Variants in DOCK1 observed in about 807,000 individuals in gnomAD.
DOCK1 encodes dedicator of cytokinesis protein 1.
Under a neutral mutation model 262.7 loss-of-function variants are expected in DOCK1, and 138 were observed. That is an observed-to-expected ratio of 0.53 (90% confidence interval 0.46 to 0.61). The LOEUF is 0.61. DOCK1 is among the 20% of genes least tolerant of loss of function. The pLI is 0.00. For missense variants in DOCK1, 1,908 were observed against 2,370.7 expected, an observed-to-expected ratio of 0.80 and a Z score of 4.05; for synonymous variants, 866 against 867.4, an observed-to-expected ratio of 1.00 and a Z score of 0.03.
intron 44 of DOCK1, among the ~76,000 whole-genome samples, chr10:127,417,029 T>A (rs930196657): frequency 2.2e-4 from 34 of 152,216 alleles, no homozygotes; most frequent in African/African-American, 7.9e-4. Flanking sequence ...GGAGTGCCAG[T>A]CTAGGGTTGC....
chr10:127,179,930 C>G (rs774658099), intron 27 of DOCK1, among the ~76,000 whole-genome samples: 2 of 152,176 alleles, frequency 1.3e-5, no homozygotes, highest in Non-Finnish European at 2.9e-5. Context: ...CATATCCTTA[C>G]AAGGCAGCCA....
intron 29 of DOCK1, among the ~76,000 whole-genome samples, chr10:127,263,909 T>C (rs550788917): frequency 3.1e-4 from 47 of 152,178 alleles, no homozygotes; most frequent in Non-Finnish European, 6.5e-4. Flanking sequence ...TAATAACCCC[T>C]ACTAGAATTT....
At chr10:127,434,854 A>G (rs1205389692) in intron 48 of DOCK1, among the ~76,000 whole-genome samples, 1 of 151,932 alleles carries the variant, frequency 6.6e-6, no homozygotes, top group Non-Finnish European at 1.5e-5. Flanking sequence ...GGGTTTCACC[A>G]TATTAGCCAG....
At chr10:126,939,382 G>T (rs1289254620) in intron 1 of DOCK1, among the ~76,000 whole-genome samples, 1 of 152,104 alleles carries the variant, frequency 6.6e-6, no homozygotes, top group Non-Finnish European at 1.5e-5. Flanking sequence ...CGCTAGCTTT[G>T]TTCTTTTTCA....
chr10:126,963,657 T>TCCTTCCTC (rs2037448172), intron 1 of DOCK1, among the ~76,000 whole-genome samples: 11 of 116,430 alleles, frequency 9.4e-5, no homozygotes, highest in African/African-American at 3.3e-4. Flanking sequence ...CTTCCTTCCT[T>TCCTTCCTC]CCTTCCTTCC....
At chr10:127,327,226 C>G (rs978158844) in intron 29 of DOCK1, among the ~76,000 whole-genome samples, 10 of 152,214 alleles carry the variant, frequency 6.6e-5, no homozygotes, top group Non-Finnish European at 1.2e-4. Context: ...CTTCTTCTCC[C>G]TAAATATGAA....
At position 126,995,563 on chromosome 10, in the gene DOCK1, A is replaced by AGGCTGCAGTGAGCCGAGAT. The variant is rs1347955208; in HGVS notation, c.474-1181_474-1163dup. Among the ~76,000 whole-genome samples, 3 of 152,184 alleles carry AGGCTGCAGTGAGCCGAGAT rather than the reference A, an allele frequency of 2.0e-5. No individual in the cohort carries two copies. The highest frequency in any genetic ancestry group is 7.2e-5 in the African/African-American group (3 of 41,454). On this transcript the variant is annotated intron_variant, in intron 6 of 51. Transcript: ENST00000623213. This position sits in a 1 kb window ranked among gnomAD's most constrained non-coding sequence, Gnocchi z 5.8. ...GCTGAGGCAGGAGAATCAGGCAGGG[A>AGGCTGCAGTGAGCCGAGAT]GGCTGCAGTGAGCCGAGATGGCGGC...
chr10:127,138,739 G>A (rs183131853), intron 27 of DOCK1, among the ~76,000 whole-genome samples: 1 of 152,350 alleles, frequency 6.6e-6, no homozygotes, highest in East Asian at 1.9e-4. Context: ...CAGAGCCAAT[G>A]TGGAAGCACA....
intron 27 of DOCK1, among the ~76,000 whole-genome samples, chr10:127,212,738 G>A (rs962397315): frequency 3.3e-5 from 5 of 149,624 alleles, no homozygotes; most frequent in South Asian, 2.1e-4. Context: ...CTCTGTTAAG[G>A]GCTTGGAAAG....
At chr10:127,050,467 C>T (rs921088321) in intron 21 of DOCK1, among the ~76,000 whole-genome samples, 1 of 151,964 alleles carries the variant, frequency 6.6e-6, no homozygotes, top group Non-Finnish European at 1.5e-5. Context: ...AATCCCAGCA[C>T]TTGGGGAGGC....
intron 31 of DOCK1, among the ~76,000 whole-genome samples, chr10:127,350,251 G>A (rs1422349483): frequency 1.7e-5 from 2 of 120,404 alleles, no homozygotes; most frequent in Admixed American, 9.3e-5. Flanking sequence ...AAAAAGTGGC[G>A]GCAGCGGGGA....
chr10:126,996,859 G>C lies in DOCK1; in HGVS notation c.585G>C (p.Val195=). 6.2e-7 allele frequency: 1 copy of C among 1,603,406 alleles called. No homozygotes were observed. The highest frequency in any genetic ancestry group is 1.1e-5 in the South Asian group (1 of 88,962). The change falls in exon 7 of 52, where the codon GTG becomes GTC. Residue 195 remains valine (V), a synonymous_variant. Transcript: ENST00000623213. ...CTCATGAAATAGCTTCTAAACAAGT[G>C]GAGGAAAGGTTACAAGAGGAAAAAG... ...FRAHEIASKQ[V]EERLQEEKSQ... is the part of the protein sequence containing the mutation.
At chr10:127,187,009 T>C (rs1216736864) in intron 27 of DOCK1, among the ~76,000 whole-genome samples, 1 of 152,180 alleles carries the variant, frequency 6.6e-6, no homozygotes, top group Non-Finnish European at 1.5e-5. Context: ...TTGGTTGCTC[T>C]TAAAGGGCCA....
At chr10:126,936,101 C>T (rs1012808109) in intron 1 of DOCK1, among the ~76,000 whole-genome samples, 8 of 152,206 alleles carry the variant, frequency 5.3e-5, no homozygotes, top group Admixed American at 4.6e-4. Context: ...CCACCTCAGC[C>T]TCCCCAGTAA....
intron 29 of DOCK1, among the ~76,000 whole-genome samples, chr10:127,281,294 C>G (rs1478767259): frequency 6.6e-6 from 1 of 152,162 alleles, no homozygotes; most frequent in Non-Finnish European, 1.5e-5. Context: ...GAGCCGTGGC[C>G]TAGCAAATTG....
chr10:126,926,713 T>A (rs534340843), intron 1 of DOCK1, among the ~76,000 whole-genome samples: 1 of 152,166 alleles, frequency 6.6e-6, no homozygotes, highest in Non-Finnish European at 1.5e-5. Flanking sequence ...ACGTGAGAAC[T>A]CAGCCAAGTG....
At position 127,109,685 on chromosome 10, in the gene DOCK1, C is replaced by G. The variant is rs146511017; in HGVS notation, c.2517-563C>G. On this transcript the variant is annotated intron_variant, in intron 24 of 51. Coordinates refer to ENST00000623213, the MANE Select transcript of DOCK1 (RefSeq NM_001290223.2). ...TTAGCATAAAGTTTTCAAGGTTTCT[C>G]CATGTTTTAGCATCAGTGCCTCCTT... Among the ~76,000 whole-genome samples, 34 of 152,310 alleles carry G rather than the reference C, an allele frequency of 2.2e-4. No homozygotes were observed. The East Asian group carries it at 6.6e-3, about 29-fold the overall frequency.
At chr10:127,415,396 C>T (rs535203381) in intron 44 of DOCK1, among the ~76,000 whole-genome samples, 158 bp downstream of exon 44, 12 of 152,238 alleles carry the variant, frequency 7.9e-5, no homozygotes, top group Non-Finnish European at 1.3e-4. Context: ...TTGAGAGCAT[C>T]GATATCTCCT....
chr10:126,965,695 G>A (rs2037620463), intron 1 of DOCK1, among the ~76,000 whole-genome samples: 2 of 152,090 alleles, frequency 1.3e-5, no homozygotes, highest in Admixed American at 6.6e-5. Flanking sequence ...GAGTAGTCAA[G>A]TTGTTTTTTT....
Sources: gnomAD v4.1 joint callset for allele counts (sites outside exome capture counted in the v4.1 genomes callset) on GRCh38, gnomAD v4.1.1 for gene constraint, Gnocchi (gnomAD v3.1) non-coding constraint, MANE v1.5 for transcripts, NCBI Gene and HGNC (gene_info 2026-07-23, HGNC 2026-07-21) for gene names.